Variants in ATP11B observed in about 807,000 individuals in gnomAD.
ATP11B encodes phospholipid-transporting ATPase IF.
A neutral mutation model predicts 157.8 loss-of-function variants in ATP11B; 81 were observed. The observed-to-expected ratio is 0.51, with a 90% CI of 0.43 to 0.62. ATP11B has a LOEUF of 0.62. Among genes scored for constraint, ATP11B ranks in the 20% least tolerant of loss-of-function variants. The pLI, the probability that ATP11B is intolerant of heterozygous loss-of-function variation, is 0.00. For synonymous variants in ATP11B, 451 were observed against 469.4 expected (o/e 0.96, Z 0.51); for missense variants, 1,165 against 1,402.2 (o/e 0.83, Z 2.70).
chr3:182,896,396 A>T (rs865972470), intron 25 of ATP11B, among the ~76,000 whole-genome samples: 24 of 152,376 alleles, frequency 1.6e-4, no homozygotes, highest in South Asian at 1.2e-3. Flanking sequence ...CAACAGCAAT[A>T]AAGCAGTCCC....
At chr3:182,801,269 AT>A (rs1715994498) in intron 1 of ATP11B, among the ~76,000 whole-genome samples, 1 of 152,214 alleles carries the variant, frequency 6.6e-6, no homozygotes, top group African/African-American at 2.4e-5. Context: ...CCACATTTTA[AT>A]TGGAAGTGAA....
intron 1 of ATP11B, among the ~76,000 whole-genome samples, chr3:182,801,229 G>A (rs960424569): frequency 6.6e-6 from 1 of 152,130 alleles, no homozygotes; most frequent in Admixed American, 6.5e-5. Flanking sequence ...ACCAAATTAA[G>A]GATATTAATT....
chr3:182,915,668 T>C (rs567858048), intron 29 of ATP11B: 2 of 971,842 alleles, frequency 2.1e-6, no homozygotes, highest in South Asian at 9.5e-5. Context: ...TTTTCTGCTA[T>C]ATACATATAT....
At position 182,921,218 on chromosome 3, in the gene ATP11B, AT is replaced by A. The variant is rs1725463160; in HGVS notation, c.*3115del. On this transcript the variant is annotated 3_prime_UTR_variant, in exon 30 of 30. Transcript: ENST00000323116. The stretch of plus-strand genomic sequence containing the variant: ...TGGGGTATGATATAAGCAGGTATTA[AT>A]AAAAATAACACACCAAAGAGTTACG... The A allele has an allele frequency of 6.6e-6, 1 of 152,236 alleles. No individual in the cohort carries two copies. Among genetic ancestry groups the A allele is most frequent in the African/African-American group, 2.4e-5 (1 of 41,454 alleles). 9.4% of individuals were successfully genotyped at this position (152,236 alleles called of 1,614,324 possible).
Position 182,887,681 on chromosome 3 carries a change from T to C in ATP11B, c.2811T>C (p.Pro937=), listed in dbSNP as rs1189808939. The change falls in exon 24 of 30, where the codon CCT becomes CCC. Residue 937 remains proline (P), a synonymous_variant. Coordinates refer to ENST00000323116, the MANE Select transcript of ATP11B (RefSeq NM_014616.3). ...IYSLLEQHVD[P]HVLQNKPTLY... ...GTCTTTTGGAACAGCATGTAGACCC[T>C]CATGTGTTACAAAATAAGCCCACCC... 6.2e-7 allele frequency: 1 copy of C among 1,611,960 alleles called. No homozygotes were observed. The highest frequency in any genetic ancestry group is 2.2e-5 in the East Asian group (1 of 44,720).
intron 14 of ATP11B, 122 bp from the exon 15 acceptor site, chr3:182,867,254 T>TATTTTTAAATGC (rs1425327032): frequency 1.5e-6 from 1 of 678,082 alleles, no homozygotes; most frequent in Non-Finnish European, 2.5e-6. Flanking sequence ...TAAAAGGAAA[T>TATTTTTAAATGC]ATTTTTAAAT....
In ATP11B at chr3:182,793,676, C is replaced by A. The variant is rs1051667271; in HGVS notation, c.-84C>A. The A allele has an allele frequency of 3.2e-6, 3 of 934,038 alleles. No individual in the cohort carries two copies. The highest frequency in any genetic ancestry group is 1.7e-5 in the African/African-American group (1 of 58,136). The allele number at this position is 934,038 out of a possible 1,614,324, so 57.9% of individuals were successfully genotyped here. On this transcript the variant is annotated 5_prime_UTR_variant, in exon 1 of 30. Transcript: ENST00000323116. ...GGAACTTCGGCCCGAGGGGCTCGCC[C>A]GCTCCCGCCTCTGTCTTGTCGGCCT... is the stretch of plus-strand genomic sequence containing the variant.
chr3:182,888,635 C>G (rs911427464), intron 24 of ATP11B, among the ~76,000 whole-genome samples: 2 of 152,136 alleles, frequency 1.3e-5, no homozygotes, highest in Admixed American at 6.5e-5. Flanking sequence ...ATCTTCCCGT[C>G]TTAACATCTG....
chr3:182,914,790 C>T lies in ATP11B; in HGVS notation c.3452+796C>T, dbSNP rs1237010649. The T allele has an allele frequency of 3.0e-6, 3 of 985,108 alleles. No homozygotes were observed. The African/African-American group carries it at 5.2e-5, about 17-fold the overall frequency. The allele number at this position is 985,108 out of a possible 1,614,324, so 61.0% of individuals were successfully genotyped here. A position where few individuals can be genotyped will look rare whatever the true frequency, so the allele number is the denominator to read the frequency against. Reference sequence around the variant, plus strand: ...GGATTTATTTATTCATACATTTCCCCAAGAGTTATATCACTATTTAGAGGA... The same window carrying T: ...GGATTTATTTATTCATACATTTCCCTAAGAGTTATATCACTATTTAGAGGA... On this transcript the variant is annotated intron_variant, in intron 29 of 29. Transcript: ENST00000323116.
rs199820563 is a variant in ATP11B, at chr3:182,889,524, T to G, written c.2958T>G (p.Asp986Glu). The G allele has an allele frequency of 7.6e-5, 118 of 1,561,858 alleles. No homozygotes were observed. The highest frequency in any genetic ancestry group is 9.9e-5 in the Non-Finnish European group (115 of 1,162,808). ...FFGSYLLIGK[D>E]TSLLGNGQMF... ...GATCCTATTTACTAATAGGGAAAGA[T>G]ACATCTCTGCTTGGAAATGGCCAGG... is the stretch of plus-strand genomic sequence containing the variant. The change falls in exon 25 of 30, where the codon GAT becomes GAG. Residue 986 changes from aspartate to glutamate, a missense_variant. Transcript: ENST00000323116.
chr3:182,808,421 A>G (rs373410680), intron 1 of ATP11B, among the ~76,000 whole-genome samples: 141 of 152,306 alleles, frequency 9.3e-4, no homozygotes, highest in African/African-American at 2.6e-3. Flanking sequence ...TAACCTGCCA[A>G]TGTTGATCAA....
chr3:182,888,454 CAGA>C (rs1722944916), intron 24 of ATP11B, among the ~76,000 whole-genome samples: 1 of 152,124 alleles, frequency 6.6e-6, no homozygotes, highest in South Asian at 2.1e-4. Context: ...TGAATGTTAA[CAGA>C]AGAATATAAT....
In ATP11B at chr3:182,898,692, G is replaced by A; in HGVS notation, c.3238G>A (p.Val1080Ile). Residue 1080 changes from valine to isoleucine, a missense_variant, in exon 28 of 30, where the codon GTT becomes ATT. Val to Ile is a conservative substitution (Grantham distance 29). Transcript: ENST00000323116. The stretch of plus-strand genomic sequence containing the variant: ...TGCTTGGTTTGCCATAATCCTCATG[G>A]TTGTTACATGTCTATTTCTTGATAT... Reference protein sequence around the residue: ...GSAWFAIILMVVTCLFLDIIK... With the variant: ...GSAWFAIILMIVTCLFLDIIK... 6.2e-7 allele frequency: 1 copy of A among 1,605,438 alleles called. No individual in the cohort carries two copies.
chr3:182,809,098 TC>T (rs1465728951), intron 1 of ATP11B, among the ~76,000 whole-genome samples: 1 of 152,014 alleles, frequency 6.6e-6, no homozygotes, highest in Non-Finnish European at 1.5e-5. Context: ...AACTGTTCCC[TC>T]CTATAGGAGA....
rs776388269 is a variant in ATP11B at position 182,897,319 on chromosome 3, A to G, written c.3065A>G (p.His1022Arg). The G allele has an allele frequency of 4.5e-6, 7 of 1,571,250 alleles. No individual in the cohort carries two copies. The highest frequency in any genetic ancestry group is 6.0e-6 in the Non-Finnish European group (7 of 1,167,374). The stretch of plus-strand genomic sequence containing the variant: ...TTTTTTTAGATGGCTCTGGAAACTC[A>G]TTTTTGGACTTGGATCAACCATCTC... ...TVTVKMALETHFWTWINHLVT... is the reference protein window; with the variant it reads ...TVTVKMALETRFWTWINHLVT... Residue 1022 changes from histidine (H) to arginine (R), a missense_variant, in exon 27 of 30, where the codon CAT becomes CGT. This residue lies in a region of ATP11B where 303 missense variants were observed against 296.3 expected (regional missense o/e 1.02). Coordinates refer to ENST00000323116, the MANE Select transcript of ATP11B (RefSeq NM_014616.3).
intron 3 of ATP11B, among the ~76,000 whole-genome samples, 177 bp from the exon 4 acceptor site, chr3:182,829,495 A>G (rs572269920): frequency 1.3e-5 from 2 of 152,336 alleles, no homozygotes; most frequent in East Asian, 3.9e-4. Context: ...CTAGCCATGT[A>G]TGTGGATAGG....
At chr3:182,853,287 A>C (rs1720118187) in intron 10 of ATP11B, among the ~76,000 whole-genome samples, 1 of 152,036 alleles carries the variant, frequency 6.6e-6, no homozygotes, top group African/African-American at 2.4e-5. Context: ...GGCTCTCTGC[A>C]ACCTCCGCCT....
chr3:182,837,940 TTAAC>T (rs1180600832), intron 7 of ATP11B, among the ~76,000 whole-genome samples: 9 of 152,188 alleles, frequency 5.9e-5, no homozygotes, highest in Middle Eastern at 3.4e-3. Context: ...AATTAAACGA[TTAAC>T]TAAGTTCATT....
At chr3:182,903,862 C>T (rs569348324) in intron 28 of ATP11B, among the ~76,000 whole-genome samples, 19 of 152,214 alleles carry the variant, frequency 1.2e-4, no homozygotes, top group Non-Finnish European at 1.2e-4. Context: ...ATATAACTTT[C>T]GTATTGTGAC....
Sources: gnomAD v4.1 joint callset for allele counts (sites outside exome capture counted in the v4.1 genomes callset) on GRCh38, gnomAD v4.1.1 for gene constraint, gnomAD v4.1.1 regional missense constraint, MANE v1.5 for transcripts, NCBI Gene and HGNC (gene_info 2026-07-23, HGNC 2026-07-21) for gene names.